The following DOCK6 variants were observed in gnomAD, a reference collection of about 807,000 sequenced individuals.
The protein encoded by DOCK6 is dedicator of cytokinesis protein 6.
A neutral mutation model predicts 230.3 loss-of-function variants in DOCK6; 167 were observed. That is an observed-to-expected ratio of 0.73 (90% CI 0.64 to 0.82). The LOEUF is 0.82. Ranked by LOEUF, DOCK6 falls within the 40% of genes least tolerant of loss-of-function variation. DOCK6 has a pLI of 0.00. For synonymous variants in DOCK6, 1,148 were observed against 1,185.0 expected, an observed-to-expected ratio of 0.97 and a Z score of 0.64; for missense variants, 2,598 against 2,825.8, an observed-to-expected ratio of 0.92 and a Z score of 1.83.
In DOCK6 at chr19:11,204,071, G is replaced by A. The variant is rs1172489771; in HGVS notation, c.5235+10C>T. ...CAGAGGCAGGTGGCTGTCCACCAAG[G>A]CTGACTCACCTCCCAGCCGGAACTC... On this transcript the variant is annotated intron_variant, in intron 41 of 47. Coordinates refer to ENST00000294618, the MANE Select transcript of DOCK6 (RefSeq NM_020812.4). 1.3e-6 allele frequency: 2 copies of A among 1,549,746 alleles called. No individual in the cohort carries two copies. The highest frequency in any genetic ancestry group is 1.7e-6 in the Non-Finnish European group (2 of 1,146,714).
In DOCK6 at chr19:11,213,336, C is replaced by T. The variant is rs763532223; in HGVS notation, c.4339-8G>A. On this transcript the variant is annotated splice_polypyrimidine_tract_variant and splice_region_variant and intron_variant, in intron 34 of 47. Transcript: ENST00000294618. ...GAACAGCAGCTCCGGGAACTGCCCC[C>T]AAGGACCCAGACAGACACTGTCCAG... The T allele has an allele frequency of 7.2e-5, 116 of 1,609,078 alleles. No individual in the cohort carries two copies. The highest frequency in any genetic ancestry group is 9.4e-5 in the Non-Finnish European group (111 of 1,178,868).
At chr19:11,215,500 T>C in intron 31 of DOCK6, 29 bp from the exon 32 acceptor site, 1 of 1,593,386 alleles carries the variant, frequency 6.3e-7, no homozygotes, top group South Asian at 1.1e-5. Flanking sequence ...CGATCACAGA[T>C]GCGTAAAAAC....
In DOCK6 at chr19:11,243,415, G is replaced by A. The variant is rs762136156; in HGVS notation, c.1259-30C>T. ...GGGAGGGAATGACAATGACAAAAGG[G>A]GGACCAAGATGAAACAGGGAGACTC... On this transcript the variant is annotated intron_variant, in intron 11 of 47. Transcript: ENST00000294618. The surrounding 1 kb of genome is among the most constrained non-coding windows in gnomAD (Gnocchi z 6.3). 5 of 1,594,902 alleles carry A rather than the reference G, an allele frequency of 3.1e-6. No individual in the cohort carries two copies. The South Asian group carries it at 5.7e-5, about 18-fold the overall frequency.
chr19:11,260,680 C>T (rs1177181165), intron 1 of DOCK6, among the ~76,000 whole-genome samples: 1 of 150,854 alleles, frequency 6.6e-6, no homozygotes, highest in Non-Finnish European at 1.5e-5. Flanking sequence ...GTCAGGAGTT[C>T]GTGACCAGCC....
intron 39 of DOCK6, chr19:11,206,383 C>A (rs2079260094): frequency 6.6e-6 from 1 of 151,024 alleles, no homozygotes; most frequent in Non-Finnish European, 1.5e-5. Context: ...AGCAAGATCC[C>A]ATCTCTTAAA....
chr19:11,206,634 G>A (rs192549796), intron 39 of DOCK6, among the ~76,000 whole-genome samples: 115 of 152,080 alleles, frequency 7.6e-4, no homozygotes, highest in Non-Finnish European at 1.1e-3. Context: ...GCCCTTAATG[G>A]ATCCTGATTC....
At chr19:11,208,568 C>T (rs1256330879) in intron 39 of DOCK6, 118 bp downstream of exon 39, 29 of 1,413,086 alleles carry the variant, frequency 2.1e-5, no homozygotes, top group Middle Eastern at 1.8e-4. Context: ...CGTGAGCCAC[C>T]GCGCCCAGCC....
intron 21 of DOCK6, among the ~76,000 whole-genome samples, chr19:11,234,657 A>G (rs2079819416): frequency 6.6e-6 from 1 of 152,136 alleles, no homozygotes; most frequent in Non-Finnish European, 1.5e-5. Context: ...GGCTCAGAGA[A>G]GTGACGTCAC....
At chr19:11,240,478 G>T (rs1053206205) in intron 14 of DOCK6, among the ~76,000 whole-genome samples, 43 of 152,186 alleles carry the variant, frequency 2.8e-4, no homozygotes, top group African/African-American at 9.2e-4. Flanking sequence ...GTGTGCCTCA[G>T]TTGCAAATAA....
rs530034035 is a variant in DOCK6, at chr19:11,229,236, C to G, written c.2719-201G>C. On this transcript the variant is annotated intron_variant, in intron 22 of 47. Transcript: ENST00000294618. ...CCCTGGACTCTGGATGGGGGAGGAG[C>G]ACTGGACCCCTTTGCTGGGGACCAG... 44 of 1,309,538 alleles carry G rather than the reference C, an allele frequency of 3.4e-5. No homozygotes were observed. In the South Asian group the frequency reaches 7.9e-4, roughly 24 times the overall value. 81.1% of individuals were successfully genotyped at this position (1,309,538 alleles called of 1,614,324 possible).
In DOCK6 at chr19:11,223,010, G is replaced by T. The variant is rs200261463; in HGVS notation, c.3052C>A (p.Arg1018=). ...ACTCCTACCTGCTTGTAGTGGGCCC[G>T]GACCAGGCTGAAGACAAAGCCCCGG... The part of the protein sequence containing the change: ...VDRGFVFSLV[R]AHYKQVATRL... The change falls in exon 25 of 48, where the codon CGG becomes AGG. Residue 1018 remains arginine, a synonymous_variant. Transcript: ENST00000294618. 44 of 1,613,646 alleles carry T rather than the reference G, an allele frequency of 2.7e-5. 1 individual carries two copies. In the Admixed American group the frequency reaches 6.3e-4, roughly 23 times the overall value.
chr19:11,255,715 T>C (rs138316915), intron 1 of DOCK6, among the ~76,000 whole-genome samples: 72 of 152,312 alleles, frequency 4.7e-4, no homozygotes, highest in African/African-American at 1.5e-3. Context: ...CCTCTTAAAA[T>C]AGACAAGCTG....
chr19:11,258,272 A>C (rs2080227833), intron 1 of DOCK6, among the ~76,000 whole-genome samples: 1 of 152,170 alleles, frequency 6.6e-6, no homozygotes, highest in South Asian at 2.1e-4. Flanking sequence ...TTTATATGAC[A>C]ATCTAAAACA....
At chr19:11,216,338 T>C (rs1274090481) in intron 30 of DOCK6, among the ~76,000 whole-genome samples, 1 of 152,148 alleles carries the variant, frequency 6.6e-6, no homozygotes, top group Non-Finnish European at 1.5e-5. Flanking sequence ...TTTGCCTGCC[T>C]TAGCCTCCTC....
At chr19:11,228,560 CTT>C (rs1044123664) in intron 23 of DOCK6, among the ~76,000 whole-genome samples, 23 of 128,822 alleles carry the variant, frequency 1.8e-4, no homozygotes, top group African/African-American at 1.7e-4. Flanking sequence ...GGGCTTCTCT[CTT>C]TTTTTTTTTT....
chr19:11,218,778 C>T (rs1472588154), intron 28 of DOCK6, among the ~76,000 whole-genome samples: 1 of 148,614 alleles, frequency 6.7e-6, no homozygotes, highest in Non-Finnish European at 1.5e-5. Flanking sequence ...TCAATCAGCA[C>T]TTATATGGTA....
intron 24 of DOCK6, among the ~76,000 whole-genome samples, chr19:11,226,092 G>C (rs1299560420): frequency 1.3e-5 from 2 of 152,004 alleles, no homozygotes; most frequent in African/African-American, 4.8e-5. Context: ...CCACATTCCT[G>C]CAGGGTTTCT....
intron 7 of DOCK6, among the ~76,000 whole-genome samples, chr19:11,246,303 G>A (rs912072371): frequency 1.3e-5 from 2 of 152,072 alleles, no homozygotes; most frequent in African/African-American, 2.4e-5. Context: ...ACGGGGTCTC[G>A]CTGTGTTGCC....
chr19:11,237,758 C>T lies in DOCK6; in HGVS notation c.1854G>A (p.Glu618=). Residue 618 remains glutamate, a synonymous_variant, in exon 17 of 48, where the codon GAG becomes GAA. Coordinates refer to ENST00000294618, the MANE Select transcript of DOCK6 (RefSeq NM_020812.4). ...CGCAGGCTGGAAGATGCAGCTTGAA[C>T]TCCTCGTAGAACTCGGGGGACCTGG... The part of the protein sequence containing the change: ...YHNKSPEFYE[E]FKLHLPACVT... 6.4e-7 allele frequency: 1 copy of T among 1,572,384 alleles called. No homozygotes were observed. Among genetic ancestry groups the T allele is most frequent in the Non-Finnish European group, 8.6e-7 (1 of 1,159,334 alleles).
Sources: allele counts gnomAD v4.1 joint callset (sites outside exome capture counted in the v4.1 genomes callset), GRCh38; gene constraint gnomAD v4.1.1; non-coding constraint Gnocchi (gnomAD v3.1); transcripts MANE v1.5; gene names NCBI Gene and HGNC (gene_info 2026-07-23, HGNC 2026-07-21).